ZFP90: variants seen among roughly 807,000 people sequenced by gnomAD.
ZFP90 encodes zinc finger protein 90 homolog.
A neutral mutation model predicts 60.8 loss-of-function variants in ZFP90; 38 were observed. The observed-to-expected ratio is 0.62, with a 90% CI of 0.48 to 0.82. The LOEUF is 0.82. ZFP90 is among the 40% of genes least tolerant of loss of function. The pLI, the probability that ZFP90 is intolerant of heterozygous loss-of-function variation, is 0.00. For synonymous variants in ZFP90, 287 were observed against 264.8 expected (o/e 1.08, Z -0.82); for missense variants, 711 against 759.1 (o/e 0.94, Z 0.74).
chr16:68,554,669 C>T (rs375490770), intron 2 of ZFP90, among the ~76,000 whole-genome samples: 13 of 151,986 alleles, frequency 8.6e-5, no homozygotes, highest in South Asian at 2.1e-4. Flanking sequence ...ACCAGGAGGC[C>T]GGCCAGGCTC....
chr16:68,563,151 G>C lies in ZFP90; in HGVS notation c.364G>C (p.Asp122His), dbSNP rs1346818652. The change falls in exon 5 of 5, where the codon GAT becomes CAT. Residue 122 changes from aspartate to histidine, a missense_variant. Asp to His is a moderately conservative substitution (Grantham distance 81). Transcript: ENST00000563169. ...LLHATLEDSW[D>H]VSSQLDRQQE... ...ACATGCTACATTAGAAGACTCCTGG[G>C]ATGTTAGCAGCCAGTTAGACAGGCA... The C allele has an allele frequency of 1.2e-6, 2 of 1,614,020 alleles. No individual in the cohort carries two copies. The highest frequency in any genetic ancestry group is 1.3e-5 in the African/African-American group (1 of 74,920).
At chr16:68,558,236 A>G (rs1230676610) in intron 3 of ZFP90, 112 bp downstream of exon 3, 3 of 1,490,020 alleles carry the variant, frequency 2.0e-6, no homozygotes, top group Non-Finnish European at 2.8e-6. Flanking sequence ...CTCAGGGGTC[A>G]GAGCTTGTTA....
upstream of ZFP90, among the ~76,000 whole-genome samples, chr16:68,538,031 G>A (rs2090975356): frequency 6.6e-6 from 1 of 152,048 alleles, no homozygotes; most frequent in Non-Finnish European, 1.5e-5. Flanking sequence ...TCCTGCCTCA[G>A]CTTTCTGAGT....
At chr16:68,575,638 T>G (rs751425412) in intron 2 of ZFP90, among the ~76,000 whole-genome samples, 5 of 149,822 alleles carry the variant, frequency 3.3e-5, no homozygotes, top group Non-Finnish European at 7.4e-5. Flanking sequence ...GTAAAATAGA[T>G]GAAGGTTAGT....
intron 2 of ZFP90, among the ~76,000 whole-genome samples, chr16:68,541,789 A>T (rs1160755441): frequency 6.6e-6 from 1 of 152,148 alleles, no homozygotes; most frequent in Non-Finnish European, 1.5e-5. Context: ...TAGATGACTT[A>T]ACACCTCATC....
chr16:68,572,997 A>G (rs2091575837), intron 2 of ZFP90, among the ~76,000 whole-genome samples: 1 of 152,224 alleles, frequency 6.6e-6, no homozygotes, highest in Non-Finnish European at 1.5e-5. Flanking sequence ...CCTTGACATC[A>G]GAGATCACAA....
chr16:68,554,125 G>GTT (rs68155311), intron 2 of ZFP90, among the ~76,000 whole-genome samples: 2 of 123,046 alleles, frequency 1.6e-5, no homozygotes, highest in Non-Finnish European at 3.4e-5. Context: ...GTTTTGTTTT[G>GTT]TTTTTTTTTT....
chr16:68,536,310 TTTTC>T (rs1328150530), upstream of ZFP90, among the ~76,000 whole-genome samples: 1 of 152,076 alleles, frequency 6.6e-6, no homozygotes, highest in East Asian at 1.9e-4. Flanking sequence ...AAGGAATTCT[TTTTC>T]TTTCTTTTGA....
Position 68,564,440 on chromosome 16 carries a change from A to G in ZFP90, c.1653A>G (p.Lys551=), listed in dbSNP as rs144056155. The G allele has an allele frequency of 2.8e-4, 444 of 1,613,866 alleles. 3 individuals carry two copies. The East Asian group carries it at 8.7e-3, about 31-fold the overall frequency. The change falls in exon 5 of 5, where the codon AAA becomes AAG. Residue 551 remains lysine, a synonymous_variant. Transcript: ENST00000563169. Reference sequence around the variant, plus strand: ...ATGAGAGAACCCACACTGGAGAGAAACCCTATGAATGTATTGACTGTGGGA... The same window carrying G: ...ATGAGAGAACCCACACTGGAGAGAAGCCCTATGAATGTATTGACTGTGGGA... The part of the protein sequence containing the change: ...TQHERTHTGE[K]PYECIDCGKA...
chr16:68,573,138 C>G (rs534997905), intron 2 of ZFP90, among the ~76,000 whole-genome samples: 24 of 152,338 alleles, frequency 1.6e-4, no homozygotes, highest in African/African-American at 5.5e-4. Flanking sequence ...TGTATGTTCA[C>G]CCTGTACCTG....
In ZFP90 at chr16:68,566,409, C is replaced by T; in HGVS notation, c.*1711C>T. 1 of 985,528 alleles carries T rather than the reference C, an allele frequency of 1.0e-6. No homozygotes were observed. Among genetic ancestry groups the T allele is most frequent in the African/African-American group, 1.7e-5 (1 of 57,346 alleles). The allele number at this position is 985,528 out of a possible 1,614,324, so 61.0% of individuals were successfully genotyped here. On this transcript the variant is annotated 3_prime_UTR_variant, in exon 5 of 5. Transcript: ENST00000563169. Reference sequence around the variant, plus strand: ...TGGTCGTATTGATGGTGAACCTTTCCTACTGGATTCTTTGCATGCCACATA... The same window carrying T: ...TGGTCGTATTGATGGTGAACCTTTCTTACTGGATTCTTTGCATGCCACATA...
chr16:68,540,154 C>T (rs768298675), intron 2 of ZFP90, among the ~76,000 whole-genome samples: 37 of 152,026 alleles, frequency 2.4e-4, no homozygotes, highest in Non-Finnish European at 5.0e-4. Context: ...AGTGGGGTCA[C>T]AGGATGGAAC....
rs2089026750 is a variant in ZFP90, at chr16:68,551,988, CTGATCTCG to C, written c.34-6004_34-5997del. On this transcript the variant is annotated intron_variant, in intron 2 of 4. Transcript: ENST00000563169. ...TGTTAGCCAGGATGGTCTCGATCTC[CTGATCTCG>C]TGATCCACCCGCCTTGGCCTCCCAA... 2.6e-5 allele frequency among the ~76,000 whole-genome samples: 4 copies of C among 151,312 alleles called. No individual in the cohort carries two copies. In the South Asian group the frequency reaches 6.3e-4, roughly 24 times the overall value.
chr16:68,544,732 C>G (rs2091114060), intron 2 of ZFP90, among the ~76,000 whole-genome samples: 1 of 152,146 alleles, frequency 6.6e-6, no homozygotes, highest in Admixed American at 6.6e-5. Context: ...CGAGCTCCCT[C>G]TGTCCAGAGG....
chr16:68,565,091 T>C lies in ZFP90; in HGVS notation c.*393T>C. ...TTTAAAAATTGCTTGACAACTGCAC[T>C]CAACTGCAGCTCTTACATTAACTTC... On this transcript the variant is annotated 3_prime_UTR_variant, in exon 5 of 5. Coordinates refer to ENST00000563169, the MANE Select transcript of ZFP90 (RefSeq NM_001305203.2). The C allele has an allele frequency of 2.0e-6, 2 of 995,534 alleles. No homozygotes were observed. Among genetic ancestry groups the C allele is most frequent in the South Asian group, 9.1e-5 (2 of 22,068 alleles). 61.7% of individuals were successfully genotyped at this position (995,534 alleles called of 1,614,324 possible). A position where few individuals can be genotyped will look rare whatever the true frequency, so the allele number is the denominator to read the frequency against.
chr16:68,564,632 G>A lies in ZFP90; in HGVS notation c.1845G>A (p.Gly615=). ...AACCCTATTCTTGTAAGGAATGTGG[G>A]AAAAACTTCAGCCGAAGTTCAGCTC... ...GEKPYSCKEC[G]KNFSRSSALT... Residue 615 remains glycine (G), a synonymous_variant, in exon 5 of 5, where the codon GGG becomes GGA. Coordinates refer to ENST00000563169, the MANE Select transcript of ZFP90 (RefSeq NM_001305203.2). 6.2e-7 allele frequency: 1 copy of A among 1,613,962 alleles called. No individual in the cohort carries two copies. Among genetic ancestry groups the A allele is most frequent in the Non-Finnish European group, 8.5e-7 (1 of 1,179,950 alleles).
chr16:68,563,729 C>G lies in ZFP90; in HGVS notation c.942C>G (p.Leu314=), dbSNP rs1364202510. 1.2e-6 allele frequency: 2 copies of G among 1,610,472 alleles called. No individual in the cohort carries two copies. Among genetic ancestry groups the G allele is most frequent in the African/African-American group, 2.7e-5 (2 of 73,852 alleles). The change falls in exon 5 of 5, where the codon CTC becomes CTG. Residue 314 remains leucine (L), a synonymous_variant. Transcript: ENST00000563169. ...GAGAGAAACCCTATCAGTGTAGTCTCTGTGGGAAAGCCTTCCAGCGCAGCT... is the reference window on the plus strand; with the variant it reads ...GAGAGAAACCCTATCAGTGTAGTCTGTGTGGGAAAGCCTTCCAGCGCAGCT... ...HTGEKPYQCS[L]CGKAFQRSSS... is the part of the protein sequence containing the mutation.
intron 2 of ZFP90, among the ~76,000 whole-genome samples, chr16:68,555,570 A>G (rs1378543430): frequency 1.3e-5 from 2 of 152,212 alleles, no homozygotes; most frequent in African/African-American, 4.8e-5. Context: ...TTGCTGGACA[A>G]TGGTGTTGTA....
intron 1 of ZFP90, 127 bp from the exon 2 acceptor site, chr16:68,539,631 G>A: frequency 1.4e-6 from 1 of 728,118 alleles, no homozygotes. Context: ...GGCAGGCCCG[G>A]GCTGGTTCCA....
Sources: allele counts gnomAD v4.1 joint callset (sites outside exome capture counted in the v4.1 genomes callset), GRCh38; gene constraint gnomAD v4.1.1; transcripts MANE v1.5; gene names NCBI Gene and HGNC (gene_info 2026-07-23, HGNC 2026-07-21).